Variants in PTGR1 observed in about 807,000 individuals in gnomAD.
The protein encoded by PTGR1 is 15-oxoprostaglandin 13-reductase.
Under a neutral mutation model 37.7 loss-of-function variants are expected in PTGR1, and 23 were observed. The observed-to-expected ratio is 0.61, with a 90% CI of 0.44 to 0.86. The LOEUF (loss-of-function observed/expected upper bound fraction) is 0.86, where lower values mean the gene tolerates loss of function less well. PTGR1 is among the 40% of genes least tolerant of loss of function. The probability of loss-of-function intolerance (pLI) is 0.00; values close to 1 mark genes in which losing one functional copy is unlikely to be tolerated. For synonymous variants in PTGR1, 134 were observed against 140.0 expected, an observed-to-expected ratio of 0.96 and a Z score of 0.30; for missense variants, 351 against 394.3, an observed-to-expected ratio of 0.89 and a Z score of 0.93.
At chr9:111,552,221 A>T (rs1405642520) in intron 9 of PTGR1, among the ~76,000 whole-genome samples, 1 of 152,226 alleles carries the variant, frequency 6.6e-6, no homozygotes, top group Non-Finnish European at 1.5e-5. Flanking sequence ...GGAAATCCTT[A>T]TAAAATTCTT....
intron 8 of PTGR1, among the ~76,000 whole-genome samples, chr9:111,573,988 G>C (rs118156157): frequency 6.6e-6 from 1 of 152,282 alleles, no homozygotes; most frequent in East Asian, 1.9e-4. Context: ...TCAGCCTGCT[G>C]AGGCCAAGAC....
At chr9:111,561,108 T>TAGAGAGAGAGAGAGAGAG (rs1468727296), downstream of PTGR1, among the ~76,000 whole-genome samples, 3 of 20,860 alleles carry the variant, frequency 1.4e-4, no homozygotes, top group African/African-American at 7.8e-4. Context: ...TATATATATA[T>TAGAGAGAGAGAGAGAGAG]ATAGAGAGAG....
intron 9 of PTGR1, among the ~76,000 whole-genome samples, chr9:111,552,838 A>G (rs1828009048): frequency 6.6e-6 from 1 of 152,174 alleles, no homozygotes; most frequent in Non-Finnish European, 1.5e-5. Flanking sequence ...CTGTTCATGT[A>G]TATCCAAGAG....
rs1829421879 is a variant in PTGR1 at position 111,586,136 on chromosome 9, G to A, written c.239C>T (p.Pro80Leu). The change falls in exon 5 of 10, where the codon CCA (proline) becomes CTA (leucine). Residue 80 changes from proline to leucine, a missense_variant. Coordinates refer to ENST00000407693, the MANE Select transcript of PTGR1 (RefSeq NM_001146108.2). ...KVVESKNVAL[P>L]KGTIVLASPG... ...AGAAGCCAGTACAATAGTTCCTTTT[G>A]GTAGGGCTACATTTTTACTTTCCAC... The A allele has an allele frequency of 6.2e-7, 1 of 1,614,008 alleles. No individual in the cohort carries two copies. Among genetic ancestry groups the A allele is most frequent in the Non-Finnish European group, 8.5e-7 (1 of 1,179,962 alleles).
At chr9:111,577,035 G>A (rs1471806815) in intron 7 of PTGR1, 1 of 151,836 alleles carries the variant, frequency 6.6e-6, no homozygotes, top group Non-Finnish European at 1.5e-5. Context: ...AGGTTGCAGT[G>A]AGCCAAGATC....
At chr9:111,558,442 T>C (rs1023538817), downstream of PTGR1, among the ~76,000 whole-genome samples, 11 of 151,972 alleles carry the variant, frequency 7.2e-5, no homozygotes, top group African/African-American at 2.4e-4. Flanking sequence ...AGTTGGGAGG[T>C]TGAGGTAAGA....
At chr9:111,553,375 A>AT (rs1386833758) in intron 9 of PTGR1, among the ~76,000 whole-genome samples, 140 of 152,178 alleles carry the variant, frequency 9.2e-4, no homozygotes, top group South Asian at 2.1e-4. Flanking sequence ...ATATTTTTTC[A>AT]TTTTTTTAAC....
At chr9:111,559,584 C>CCA (rs149722704), downstream of PTGR1, among the ~76,000 whole-genome samples, 3 of 151,686 alleles carry the variant, frequency 2.0e-5, no homozygotes, top group African/African-American at 7.3e-5. Flanking sequence ...TCACCAGTGT[C>CCA]CACACACACA....
intron 9 of PTGR1, among the ~76,000 whole-genome samples, chr9:111,564,503 G>T (rs1828465485): frequency 6.6e-6 from 1 of 151,498 alleles, no homozygotes; most frequent in South Asian, 2.1e-4. Context: ...ACGGGGTCTT[G>T]CTAGGTTGCC....
chr9:111,591,753 T>A (rs1449227596), intron 4 of PTGR1, among the ~76,000 whole-genome samples: 1 of 152,098 alleles, frequency 6.6e-6, no homozygotes. Context: ...AGATAAAAAT[T>A]TTGTTTTATT....
chr9:111,588,908 C>T (rs1457919543), intron 4 of PTGR1, among the ~76,000 whole-genome samples: 2 of 152,144 alleles, frequency 1.3e-5, no homozygotes, highest in East Asian at 3.8e-4. Flanking sequence ...ACCTCGACCT[C>T]CTGAAGTGCT....
chr9:111,591,342 G>A (rs907990615), intron 4 of PTGR1, among the ~76,000 whole-genome samples: 2 of 148,914 alleles, frequency 1.3e-5, no homozygotes, highest in African/African-American at 4.9e-5. Flanking sequence ...ATTTATAAAA[G>A]TATGTACACT....
chr9:111,556,534 A>G (rs776776898), intron 9 of PTGR1, among the ~76,000 whole-genome samples: 25 of 152,236 alleles, frequency 1.6e-4, no homozygotes, highest in Non-Finnish European at 2.8e-4. Context: ...ACATTCTCTG[A>G]AATCTAGGCA....
chr9:111,593,089 T>A, intron 3 of PTGR1, 107 bp from the exon 4 acceptor site: 1 of 1,444,356 alleles, frequency 6.9e-7, no homozygotes, highest in Non-Finnish European at 9.1e-7. Context: ...TCAAGCCAAA[T>A]GAAAAACTGC....
intron 2 of PTGR1, 60 bp from the exon 3 acceptor site, chr9:111,594,327 C>T (rs1024717710): frequency 7.1e-7 from 1 of 1,415,040 alleles, no homozygotes; most frequent in Non-Finnish European, 1.0e-6. Flanking sequence ...GAACAATAGA[C>T]ACTGAGCACC....
chr9:111,557,532 G>A (rs1385023325), intron 9 of PTGR1, among the ~76,000 whole-genome samples: 3 of 151,554 alleles, frequency 2.0e-5, no homozygotes, highest in Non-Finnish European at 4.4e-5. Flanking sequence ...TGCAACCTCC[G>A]CCTCCCGGGT....
At chr9:111,583,191 G>A (rs1044136964) in intron 6 of PTGR1, among the ~76,000 whole-genome samples, 5 of 152,210 alleles carry the variant, frequency 3.3e-5, no homozygotes, top group African/African-American at 7.2e-5. Flanking sequence ...AAGCTGTAGC[G>A]ATAGAATGTT....
intron 9 of PTGR1, among the ~76,000 whole-genome samples, chr9:111,550,367 C>T (rs1260936899): frequency 6.6e-6 from 1 of 152,148 alleles, no homozygotes; most frequent in Non-Finnish European, 1.5e-5. Context: ...GCAATCAGAA[C>T]CCTGATATTT....
intron 4 of PTGR1, among the ~76,000 whole-genome samples, chr9:111,590,749 C>T (rs886654908): frequency 1.3e-5 from 2 of 152,058 alleles, no homozygotes; most frequent in Non-Finnish European, 2.9e-5. Context: ...CTTCTGGGAA[C>T]TTAATGTAAA....
Sources: gnomAD v4.1 joint callset for allele counts (sites outside exome capture counted in the v4.1 genomes callset) on GRCh38, gnomAD v4.1.1 for gene constraint, MANE v1.5 for transcripts, NCBI Gene and HGNC (gene_info 2026-07-23, HGNC 2026-07-21) for gene names.